NAT10: variants seen among roughly 807,000 people sequenced by gnomAD.
The protein encoded by NAT10 is N-acetyltransferase 10.
Under a neutral mutation model 132.2 loss-of-function variants are expected in NAT10, and 109 were observed. That is an observed-to-expected ratio of 0.82 (90% CI 0.71 to 0.97). The LOEUF is 0.97. NAT10 is among the 50% of genes least tolerant of loss of function. The pLI, the probability that NAT10 is intolerant of heterozygous loss-of-function variation, is 0.00. For synonymous variants in NAT10, 479 were observed against 478.0 expected, an observed-to-expected ratio of 1.00 and a Z score of -0.03; for missense variants, 1,184 against 1,263.4, an observed-to-expected ratio of 0.94 and a Z score of 0.95.
rs754054801 is a variant in NAT10 at position 34,141,187 on chromosome 11, GATC to G, written c.2695_2697del (p.Ile899del). The G allele has an allele frequency of 6.2e-7, 1 of 1,613,908 alleles. No homozygotes were observed. Among genetic ancestry groups the G allele is most frequent in the Non-Finnish European group, 8.5e-7 (1 of 1,180,010 alleles). ...GCCAGTTGATGGGACTTTTCAACCG[GATC>G]ATCCGCAAAGTTGTGAAGGTAACCT... is the stretch of plus-strand genomic sequence containing the variant. On this transcript the variant is annotated inframe_deletion, in exon 25 of 29. Transcript: ENST00000257829.
At chr11:34,123,639 C>G (rs1002492586) in intron 9 of NAT10, 123 bp from the exon 10 acceptor site, 17 of 673,662 alleles carry the variant, frequency 2.5e-5, no homozygotes, top group Non-Finnish European at 3.9e-5. Context: ...TGACTTTTTC[C>G]CTTGCTGTTA....
intron 27 of NAT10, 76 bp downstream of exon 27, chr11:34,142,424 C>G (rs1454421155): frequency 3.9e-6 from 5 of 1,292,052 alleles, no homozygotes; most frequent in African/African-American, 2.9e-5. Flanking sequence ...TTCTTCTAAT[C>G]ATATCCCACG....
intron 12 of NAT10, among the ~76,000 whole-genome samples, chr11:34,129,570 A>G (rs1056639351): frequency 1.0e-5 from 1 of 97,748 alleles, no homozygotes; most frequent in Non-Finnish European, 2.2e-5. Flanking sequence ...CTCACATTCT[A>G]TGGGTTTTTT....
chr11:34,109,228 T>G (rs1590758516), intron 3 of NAT10, among the ~76,000 whole-genome samples: 2 of 152,132 alleles, frequency 1.3e-5, no homozygotes, highest in Non-Finnish European at 2.9e-5. Context: ...TTATGTACCC[T>G]GTGTCTCCTC....
At chr11:34,118,954 A>G (rs74773419) in intron 8 of NAT10, among the ~76,000 whole-genome samples, 9,094 of 152,206 alleles carry the variant, frequency 0.06, 352 homozygotes, top group Non-Finnish European at 0.086. Flanking sequence ...TTTCCAAGAG[A>G]GGGCAACATA....
At chr11:34,142,958 A>G (rs1014277192) in intron 27 of NAT10, among the ~76,000 whole-genome samples, 2 of 152,164 alleles carry the variant, frequency 1.3e-5, no homozygotes, top group African/African-American at 4.8e-5. Flanking sequence ...CAGAGAATCG[A>G]GCTCTAGTTT....
intron 23 of NAT10, 152 bp downstream of exon 23, chr11:34,139,647 G>T: frequency 1.5e-6 from 1 of 658,480 alleles, no homozygotes; most frequent in Non-Finnish European, 2.7e-6. Context: ...CCAGGCCCCT[G>T]CTCTGTCCCA....
In NAT10 at chr11:34,118,313, C is replaced by A. The variant is rs377522510; in HGVS notation, c.672+19C>A. 1.1e-5 allele frequency: 18 copies of A among 1,611,598 alleles called. No individual in the cohort carries two copies. In the African/African-American group the frequency reaches 1.7e-4, roughly 16 times the overall value. On this transcript the variant is annotated intron_variant, in intron 7 of 28. Coordinates refer to ENST00000257829, the MANE Select transcript of NAT10 (RefSeq NM_024662.3). ...GACTCCGGTGAGTCTGTGCTGGGGT[C>A]CAGGAATCTGGGGGAGGCTACGTTT... is the stretch of plus-strand genomic sequence containing the variant.
At position 34,130,815 on chromosome 11, in the gene NAT10, A is replaced by T; in HGVS notation, c.1247A>T (p.Tyr416Phe). 6.2e-7 allele frequency: 1 copy of T among 1,614,006 alleles called. No individual in the cohort carries two copies. The highest frequency in any genetic ancestry group is 8.5e-7 in the Non-Finnish European group (1 of 1,179,926). Residue 416 changes from tyrosine (Y) to phenylalanine (F), a missense_variant and splice_region_variant, in exon 13 of 29, where the codon TAT becomes TTT. Transcript: ENST00000257829. ...ATTCCTTTTGCCTTTGTTTCTAGCT[A>T]TGAGGGCACTGGCCGGTCACTGTCC... is the stretch of plus-strand genomic sequence containing the variant. ...LVFMASTING[Y>F]EGTGRSLSLK...
At chr11:34,108,416 C>G in intron 2 of NAT10, 83 bp downstream of exon 2, 1 of 1,106,266 alleles carries the variant, frequency 9.0e-7, no homozygotes, top group Non-Finnish European at 1.4e-6. Context: ...TGTTTCAGGA[C>G]ATAATGGCAT....
intron 26 of NAT10, 107 bp from the exon 27 acceptor site, chr11:34,142,168 G>T: frequency 9.6e-7 from 1 of 1,044,750 alleles, no homozygotes; most frequent in East Asian, 2.4e-5. Flanking sequence ...TGGAAGAGAA[G>T]GAAATGTTTT....
At chr11:34,116,417 TTTTA>T (rs1477613542) in intron 6 of NAT10, among the ~76,000 whole-genome samples, 3 of 152,074 alleles carry the variant, frequency 2.0e-5, no homozygotes, top group African/African-American at 4.8e-5. Context: ...TTTATTTTTA[TTTTA>T]TTTATTTATT....
chr11:34,109,179 G>T (rs1019601340), intron 3 of NAT10, among the ~76,000 whole-genome samples: 7 of 151,818 alleles, frequency 4.6e-5, no homozygotes. Context: ...CTTTCATGGA[G>T]GGGGTATATG....
intron 24 of NAT10, 107 bp from the exon 25 acceptor site, chr11:34,140,978 TCTAC>T: frequency 7.0e-7 from 1 of 1,431,702 alleles, no homozygotes; most frequent in Non-Finnish European, 9.6e-7. Context: ...ACAGTGCTAG[TCTAC>T]CTTTGTACCA....
chr11:34,141,803 C>A lies in NAT10; in HGVS notation c.2797C>A (p.Leu933Ile), dbSNP rs372867574. The A allele has an allele frequency of 3.7e-6, 6 of 1,613,742 alleles. No individual in the cohort carries two copies. The highest frequency in any genetic ancestry group is 4.2e-6 in the Non-Finnish European group (5 of 1,179,992). ...GGTCATGGAGCCCACGATGAAGACC[C>A]TCAGTGACGACCTAGTATGTCCCTG... ...DVVMEPTMKT[L>I]SDDLDEAAKE... The change falls in exon 26 of 29, where the codon CTC becomes ATC. Residue 933 changes from leucine (L) to isoleucine (I), a missense_variant. Transcript: ENST00000257829.
chr11:34,141,346 C>A (rs1220263490), intron 25 of NAT10, 138 bp downstream of exon 25: 4 of 1,217,760 alleles, frequency 3.3e-6, no homozygotes, highest in Non-Finnish European at 4.6e-6. Context: ...CACACACACA[C>A]AAATCCAGGA....
intron 4 of NAT10, 33 bp from the exon 5 acceptor site, chr11:34,113,683 T>C (rs1284285995): frequency 6.4e-7 from 1 of 1,572,066 alleles, no homozygotes; most frequent in Non-Finnish European, 8.6e-7. Flanking sequence ...GCTATTTGCA[T>C]GACCAGCCCT....
intron 5 of NAT10, among the ~76,000 whole-genome samples, chr11:34,114,855 C>A (rs1326688362): frequency 1.3e-5 from 2 of 152,170 alleles, no homozygotes; most frequent in Non-Finnish European, 2.9e-5. Context: ...GTACTAGTCT[C>A]TAAATTTCAC....
At chr11:34,129,599 C>CTTTTTTTT (rs71037399) in intron 12 of NAT10, among the ~76,000 whole-genome samples, 29 of 56,726 alleles carry the variant, frequency 5.1e-4, no homozygotes, top group South Asian at 1.1e-3. Flanking sequence ...TCTTCTTCTT[C>CTTTTTTTT]TTTTTTTTTT....
Sources: gnomAD v4.1 joint callset for allele counts (sites outside exome capture counted in the v4.1 genomes callset) on GRCh38, gnomAD v4.1.1 for gene constraint, MANE v1.5 for transcripts, NCBI Gene and HGNC (gene_info 2026-07-23, HGNC 2026-07-21) for gene names.